KLRD1: variants seen among roughly 807,000 people sequenced by gnomAD.
The protein encoded by KLRD1 is natural killer cells antigen CD94.
In KLRD1, 21 loss-of-function variants were observed where a neutral mutation model predicts 22.6. The ratio of observed to expected loss-of-function variants is 0.93; its 90% CI spans 0.66 to 1.34. KLRD1 has a LOEUF of 1.34. Among genes scored for constraint, KLRD1 ranks in the 40% most tolerant of loss-of-function variants. The pLI is 0.00. For synonymous variants in KLRD1, 59 were observed against 71.1 expected (o/e 0.83, Z 0.85); for missense variants, 183 against 208.6 (o/e 0.88, Z 0.76).
At chr12:10,250,076 T>C (rs949290964) in intron 1 of KLRD1, among the ~76,000 whole-genome samples, 8 of 152,308 alleles carry the variant, frequency 5.3e-5, no homozygotes, top group Middle Eastern at 3.4e-3. Flanking sequence ...ACTTCTGTCC[T>C]GAGTCTCTGC....
At chr12:10,295,643 C>T (rs761027613) in intron 1 of KLRD1, among the ~76,000 whole-genome samples, 46 of 151,996 alleles carry the variant, frequency 3.0e-4, no homozygotes, top group South Asian at 1.5e-3. Context: ...ACATAAGATA[C>T]CTTAACAAAT....
At chr12:10,290,367 T>C (rs1026504386) in intron 1 of KLRD1, among the ~76,000 whole-genome samples, 1 of 152,206 alleles carries the variant, frequency 6.6e-6, no homozygotes, top group Non-Finnish European at 1.5e-5. Context: ...GAATGACCAA[T>C]AGGAAGCTGG....
Position 10,249,689 on chromosome 12 carries a change from AAG to A in KLRD1, c.-101+23459_-101+23460del, listed in dbSNP as rs1385897342. Among the ~76,000 whole-genome samples, 3 of 152,222 alleles carry A rather than the reference AAG, an allele frequency of 2.0e-5. 1 individual carries two copies. In the South Asian group the frequency reaches 6.2e-4, roughly 31 times the overall value. Reference sequence around the variant, plus strand: ...AAGCATCCTTGAAACAACTTGAAAAAAGAGTAAGAAATTATTTCATACTTAAT... The same window carrying A: ...AAGCATCCTTGAAACAACTTGAAAAAAGTAAGAAATTATTTCATACTTAAT... On this transcript the variant is annotated intron_variant, in intron 1 of 5. Coordinates refer to the KLRD1 transcript ENST00000544747.
chr12:10,249,502 T>C (rs11053711), intron 1 of KLRD1, among the ~76,000 whole-genome samples: 31,653 of 152,112 alleles, frequency 0.21, 3,551 homozygotes, highest in Non-Finnish European at 0.24. Context: ...GTTATAAATA[T>C]AGTAAGTGAC....
intron 1 of KLRD1, among the ~76,000 whole-genome samples, chr12:10,261,198 G>A (rs1949450865): frequency 6.6e-6 from 1 of 152,190 alleles, no homozygotes; most frequent in Non-Finnish European, 1.5e-5. Context: ...TGGCTCAGTA[G>A]GGAAGGATGT....
chr12:10,283,218 C>A (rs1314468523), intron 1 of KLRD1, among the ~76,000 whole-genome samples: 1 of 152,184 alleles, frequency 6.6e-6, no homozygotes, highest in Non-Finnish European at 1.5e-5. Flanking sequence ...GGGACTGGCA[C>A]CACAGTGGCT....
In KLRD1 at chr12:10,327,953, G is replaced by T. The variant is rs902505387; in HGVS notation, c.*13160G>T. The T allele has an allele frequency of 1.3e-5, 2 of 152,020 alleles. No individual in the cohort carries two copies. The highest frequency in any genetic ancestry group is 4.8e-5 in the African/African-American group (2 of 41,392). The allele number at this position is 152,020 out of a possible 1,614,324, so 9.4% of individuals were successfully genotyped here. A position where few individuals can be genotyped will look rare whatever the true frequency, so the allele number is the denominator to read the frequency against. The stretch of plus-strand genomic sequence containing the variant: ...ATTTATCCTTCATTCTATTAATGTG[G>T]TATATTACATTAATTGATTTTGTAT... On this transcript the variant is annotated 3_prime_UTR_variant, in exon 6 of 6. Coordinates refer to ENST00000336164, the MANE Select transcript of KLRD1 (RefSeq NM_002262.5).
chr12:10,283,332 C>G (rs530543749), intron 1 of KLRD1, among the ~76,000 whole-genome samples: 16 of 152,108 alleles, frequency 1.1e-4, no homozygotes, highest in Admixed American at 2.0e-4. Flanking sequence ...CTAAAATAGT[C>G]TAATTCATAG....
intron 1 of KLRD1, among the ~76,000 whole-genome samples, chr12:10,298,578 G>A (rs757937966): frequency 6.6e-6 from 1 of 152,182 alleles, no homozygotes. Flanking sequence ...TGGCCTTGAC[G>A]CCTATGCTGG....
At chr12:10,274,119 C>CTA (rs10673537) in intron 1 of KLRD1, among the ~76,000 whole-genome samples, 132,887 of 151,814 alleles carry the variant, frequency 0.88, 58,873 homozygotes, top group Non-Finnish European at 0.94. Flanking sequence ...CTCGTCTCTA[C>CTA]AAAACACAAA....
intron 1 of KLRD1, among the ~76,000 whole-genome samples, chr12:10,296,201 T>G (rs974357306): frequency 6.6e-6 from 1 of 152,072 alleles, no homozygotes; most frequent in South Asian, 2.1e-4. Context: ...AAATGAGATA[T>G]CATGAGGTAG....
intron 1 of KLRD1, among the ~76,000 whole-genome samples, chr12:10,240,539 A>AAT (rs1298475979): frequency 2.0e-5 from 3 of 152,156 alleles, no homozygotes; most frequent in Non-Finnish European, 2.9e-5. Flanking sequence ...GTTATGAAAA[A>AAT]ATGTAAACAT....
At chr12:10,273,552 C>T (rs145912242) in intron 1 of KLRD1, among the ~76,000 whole-genome samples, 66 of 152,282 alleles carry the variant, frequency 4.3e-4, no homozygotes, top group African/African-American at 1.6e-3. Flanking sequence ...GAGACATACA[C>T]ACCACAGTAA....
rs187867966 is a variant in KLRD1 at position 10,248,715 on chromosome 12, A to G, written c.-101+22482A>G. On this transcript the variant is annotated intron_variant, in intron 1 of 5. Coordinates refer to the KLRD1 transcript ENST00000544747. Reference sequence around the variant, plus strand: ...TGGGTTCAAGTGATTCTCCTGCCTCAGCCTCCCAAGTAGCTGGGATTACAG... The same window carrying G: ...TGGGTTCAAGTGATTCTCCTGCCTCGGCCTCCCAAGTAGCTGGGATTACAG... 1.2e-3 allele frequency among the ~76,000 whole-genome samples: 180 copies of G among 150,268 alleles called. 3 individuals carry two copies. In the East Asian group the frequency reaches 0.033, roughly 27 times the overall value.
intron 1 of KLRD1, among the ~76,000 whole-genome samples, chr12:10,298,331 A>T (rs1452906682): frequency 6.6e-6 from 1 of 152,242 alleles, no homozygotes; most frequent in Non-Finnish European, 1.5e-5. Flanking sequence ...CTCTAAGTAA[A>T]ATGAGTTAGT....
chr12:10,287,759 A>G (rs73053368), intron 1 of KLRD1, among the ~76,000 whole-genome samples: 3 of 152,142 alleles, frequency 2.0e-5, no homozygotes, highest in African/African-American at 4.8e-5. Context: ...CTGTCTAAAT[A>G]CGGATTTTTA....
Position 10,316,426 on chromosome 12 carries a change from C to T in KLRD1, c.*1633C>T, listed in dbSNP as rs7313418. The T allele has an allele frequency of 0.41, 62,089 of 151,566 alleles. 12,790 individuals carry two copies. Among genetic ancestry groups the T allele is most frequent in the East Asian group, 0.5 (2,596 of 5,146 alleles). 9.4% of individuals were successfully genotyped at this position (151,566 alleles called of 1,614,324 possible). On this transcript the variant is annotated 3_prime_UTR_variant, in exon 6 of 6. Coordinates refer to ENST00000336164, the MANE Select transcript of KLRD1 (RefSeq NM_002262.5). Reference sequence around the variant, plus strand: ...TTTTATTATTTTTTTTTCTGAGACACGGTTTCATTCCCATTGCCCAGGCTG... The same window carrying T: ...TTTTATTATTTTTTTTTCTGAGACATGGTTTCATTCCCATTGCCCAGGCTG...
rs1356580462 is a variant in KLRD1, at chr12:10,317,925, C to T, written c.*3132C>T. 6.6e-6 allele frequency: 1 copy of T among 152,208 alleles called. No homozygotes were observed. The highest frequency in any genetic ancestry group is 1.5e-5 in the Non-Finnish European group (1 of 68,042). The allele number at this position is 152,208 out of a possible 1,614,324, so 9.4% of individuals were successfully genotyped here. A position where few individuals can be genotyped will look rare whatever the true frequency, so the allele number is the denominator to read the frequency against. On this transcript the variant is annotated 3_prime_UTR_variant, in exon 6 of 6. Coordinates refer to ENST00000336164, the MANE Select transcript of KLRD1 (RefSeq NM_002262.5). ...CGTGCTGAGCAAAAGGAAAAATACC[C>T]TCTTATTAAATCATCAGATCTAGTG...
chr12:10,295,795 T>C (rs1949816310), intron 1 of KLRD1, among the ~76,000 whole-genome samples: 2 of 152,212 alleles, frequency 1.3e-5, no homozygotes, highest in African/African-American at 4.8e-5. Flanking sequence ...TAATCATGAA[T>C]ATTGAATACT....
Sources: allele counts gnomAD v4.1 joint callset (sites outside exome capture counted in the v4.1 genomes callset), GRCh38; gene constraint gnomAD v4.1.1; transcripts MANE v1.5; gene names NCBI Gene and HGNC (gene_info 2026-07-23, HGNC 2026-07-21).